The following RAB2A variants were observed in gnomAD, a reference collection of about 807,000 sequenced individuals.
The protein encoded by RAB2A is ras-related protein Rab-2A.
A neutral mutation model predicts 32.5 loss-of-function variants in RAB2A; 7 were observed. That is an observed-to-expected ratio of 0.22 (90% CI 0.12 to 0.40). The LOEUF (loss-of-function observed/expected upper bound fraction) is 0.40. Ranked by LOEUF, RAB2A falls within the 10% of genes least tolerant of loss-of-function variation. The pLI is 1.00. For synonymous variants in RAB2A, 79 were observed against 85.2 expected (o/e 0.93, Z 0.40); for missense variants, 108 against 260.7 (o/e 0.41, Z 4.03).
intron 5 of RAB2A, among the ~76,000 whole-genome samples, chr8:60,585,298 TTTTGTTTTGTTTTG>T (rs1272262233): frequency 2.5e-4 from 23 of 91,034 alleles, no homozygotes; most frequent in African/African-American, 8.2e-4. Context: ...TTTTGTTTTG[TTTTGTTTTGTTTTG>T]TTTTGTTTTG....
At chr8:60,597,594 A>G (rs980749510) in intron 6 of RAB2A, among the ~76,000 whole-genome samples, 2 of 152,098 alleles carry the variant, frequency 1.3e-5, no homozygotes, top group South Asian at 2.1e-4. Context: ...TTAAAAAAAC[A>G]AAAGAAAAGA....
intron 6 of RAB2A, among the ~76,000 whole-genome samples, chr8:60,596,662 C>A (rs1804034403): frequency 6.6e-6 from 1 of 152,140 alleles, no homozygotes; most frequent in Non-Finnish European, 1.5e-5. Flanking sequence ...GTGGCTCATG[C>A]CTGTAATCCC....
At chr8:60,570,105 G>A (rs763131943) in intron 2 of RAB2A, 10 of 449,990 alleles carry the variant, frequency 2.2e-5, no homozygotes, top group Non-Finnish European at 3.1e-5. Context: ...CAATTCCAGA[G>A]AGGGAGCATC....
At chr8:60,597,394 G>A (rs973895917) in intron 6 of RAB2A, among the ~76,000 whole-genome samples, 6 of 152,166 alleles carry the variant, frequency 3.9e-5, no homozygotes, top group Non-Finnish European at 8.8e-5. Flanking sequence ...GTTGAATAAT[G>A]AGAACACATG....
chr8:60,562,653 AT>A (rs1808041733), intron 2 of RAB2A, among the ~76,000 whole-genome samples: 1 of 152,242 alleles, frequency 6.6e-6, no homozygotes, highest in Non-Finnish European at 1.5e-5. Context: ...ACTTAAAAAA[AT>A]TATCTGAAGC....
chr8:60,521,282 G>A (rs1054836028), intron 1 of RAB2A, among the ~76,000 whole-genome samples: 2 of 152,174 alleles, frequency 1.3e-5, no homozygotes, highest in South Asian at 2.1e-4. Context: ...AGTAGGCACC[G>A]CCAGAGTGGG....
rs944497769 is a variant in RAB2A at position 60,622,258 on chromosome 8, A to T, written c.*1489A>T. 2 of 152,252 alleles carry T rather than the reference A, an allele frequency of 1.3e-5. No homozygotes were observed. Among genetic ancestry groups the T allele is most frequent in the Non-Finnish European group, 2.9e-5 (2 of 68,046 alleles). 9.4% of individuals were successfully genotyped at this position (152,252 alleles called of 1,614,324 possible). ...CTGAAAGAAAGCATAAAGAAGTTCT[A>T]ACTCTGAAACTAACTACTTTCATTT... On this transcript the variant is annotated 3_prime_UTR_variant, in exon 8 of 8. Transcript: ENST00000262646.
At chr8:60,562,969 A>T (rs969304342) in intron 2 of RAB2A, among the ~76,000 whole-genome samples, 1 of 152,136 alleles carries the variant, frequency 6.6e-6, no homozygotes, top group Non-Finnish European at 1.5e-5. Context: ...CCCAAGGCCT[A>T]CTTAACATTT....
At position 60,623,532 on chromosome 8, in the gene RAB2A, CTA is replaced by C. The variant is rs1307046669; in HGVS notation, c.*2766_*2767del. The C allele has an allele frequency of 5.3e-5, 8 of 152,136 alleles. No individual in the cohort carries two copies. Among genetic ancestry groups the C allele is most frequent in the African/African-American group, 1.9e-4 (8 of 41,440 alleles). The allele number at this position is 152,136 out of a possible 1,614,324, so 9.4% of individuals were successfully genotyped here. On this transcript the variant is annotated 3_prime_UTR_variant, in exon 8 of 8. Transcript: ENST00000262646. ...CTGTTTCATAATAAACAGGAATTGA[CTA>C]TACAAATAGGTAAACCAGCATATCT...
At chr8:60,521,514 GCTTA>G (rs2130803894) in intron 1 of RAB2A, among the ~76,000 whole-genome samples, 1 of 152,310 alleles carries the variant, frequency 6.6e-6, no homozygotes, top group South Asian at 2.1e-4. Flanking sequence ...AACTACTCAA[GCTTA>G]CTTCTAATTC....
chr8:60,575,695 C>T (rs10957145), intron 3 of RAB2A, among the ~76,000 whole-genome samples: 66,559 of 139,858 alleles, frequency 0.48, 16,596 homozygotes, highest in African/African-American at 0.65. Context: ...TTCACTCTTG[C>T]TGCCCAGGCT....
At chr8:60,519,961 C>A (rs896386813) in intron 1 of RAB2A, among the ~76,000 whole-genome samples, 1 of 152,136 alleles carries the variant, frequency 6.6e-6, no homozygotes, top group Admixed American at 6.5e-5. Context: ...GTGTGGCCCT[C>A]CCCTAGAAAA....
At chr8:60,596,455 A>G (rs1025810948) in intron 6 of RAB2A, among the ~76,000 whole-genome samples, 15 of 152,340 alleles carry the variant, frequency 9.8e-5, no homozygotes, top group Non-Finnish European at 1.3e-4. Context: ...ATTTACAAGA[A>G]AAAAACAACC....
intron 1 of RAB2A, among the ~76,000 whole-genome samples, chr8:60,541,647 C>A (rs909383473): frequency 6.6e-6 from 1 of 152,196 alleles, no homozygotes; most frequent in Admixed American, 6.5e-5. Context: ...TAAGATCACA[C>A]TATTGCACTC....
At chr8:60,519,514 G>A (rs1807268743) in intron 1 of RAB2A, among the ~76,000 whole-genome samples, 1 of 152,128 alleles carries the variant, frequency 6.6e-6, no homozygotes, top group African/African-American at 2.4e-5. Flanking sequence ...CATATATTAA[G>A]CTCTTATTGT....
chr8:60,618,249 A>T (rs1466835603), intron 6 of RAB2A, among the ~76,000 whole-genome samples: 1 of 152,160 alleles, frequency 6.6e-6, no homozygotes, highest in Admixed American at 6.5e-5. Flanking sequence ...TTCGAATATG[A>T]TGTTAGATGT....
chr8:60,609,895 G>T (rs200335405), intron 6 of RAB2A, among the ~76,000 whole-genome samples: 2 of 149,496 alleles, frequency 1.3e-5, no homozygotes, highest in Non-Finnish European at 1.5e-5. Flanking sequence ...GGAGGGCAAG[G>T]CTTCAGTGAG....
chr8:60,564,649 G>A (rs539768175), intron 2 of RAB2A, among the ~76,000 whole-genome samples: 3 of 152,018 alleles, frequency 2.0e-5, no homozygotes, highest in African/African-American at 7.2e-5. Flanking sequence ...TCCTTCTCAA[G>A]TCTTAAGATG....
chr8:60,573,336 T>G (rs1808224040), intron 3 of RAB2A, among the ~76,000 whole-genome samples: 2 of 152,234 alleles, frequency 1.3e-5, no homozygotes, highest in African/African-American at 2.4e-5. Context: ...TCTTAGTTTC[T>G]CACTTGTCAT....
Sources: gnomAD v4.1 joint callset for allele counts (sites outside exome capture counted in the v4.1 genomes callset) on GRCh38, gnomAD v4.1.1 for gene constraint, MANE v1.5 for transcripts, NCBI Gene and HGNC (gene_info 2026-07-23, HGNC 2026-07-21) for gene names.